HPSE2: variants seen among roughly 807,000 people sequenced by gnomAD.
HPSE2 encodes the protein inactive heparanase-2.
A neutral mutation model predicts 60.5 loss-of-function variants in HPSE2; 38 were observed. That is an observed-to-expected ratio of 0.63 (90% CI 0.48 to 0.82). The LOEUF (loss-of-function observed/expected upper bound fraction) is 0.82, where lower values mean the gene tolerates loss of function less well. Ranked by LOEUF, HPSE2 falls within the 40% of genes least tolerant of loss-of-function variation. The probability of loss-of-function intolerance (pLI) is 0.00; values close to 1 mark genes in which losing one functional copy is unlikely to be tolerated. For synonymous variants in HPSE2, 295 were observed against 293.2 expected, an observed-to-expected ratio of 1.01 and a Z score of -0.06; for missense variants, 713 against 740.4, an observed-to-expected ratio of 0.96 and a Z score of 0.43.
At chr10:99,294,537 A>G in the HPSE2 span, among the ~76,000 whole-genome samples, 3 of 150,340 alleles carry the variant, frequency 2.0e-5, no homozygotes, top group African/African-American at 7.3e-5. Flanking sequence ...CTTTACCAAC[A>G]GCATTCACAG....
intron 3 of HPSE2, among the ~76,000 whole-genome samples, chr10:98,875,289 TA>T (rs1212073688): frequency 6.6e-6 from 1 of 151,448 alleles, no homozygotes; most frequent in Non-Finnish European, 1.5e-5. Flanking sequence ...ACTAGACTAA[TA>T]AAGAAGAAAA....
intron 11 of HPSE2, among the ~76,000 whole-genome samples, chr10:98,476,016 A>G (rs1432037742): frequency 6.6e-6 from 1 of 151,968 alleles, no homozygotes; most frequent in Non-Finnish European, 1.5e-5. Context: ...ATAAAGACAC[A>G]TGCACACGTA....
rs138388208 is a variant in HPSE2, at chr10:98,903,215, A to G, written c.611-159159T>C. Among the ~76,000 whole-genome samples the G allele has an allele frequency of 4.6e-4, 70 of 152,264 alleles. 2 individuals are homozygous for G. The East Asian group carries it at 0.013, about 28-fold the overall frequency. On this transcript the variant is annotated intron_variant, in intron 3 of 11. Transcript: ENST00000370552. ...ATTTCATTTATATGAAATGCTCAGA[A>G]TAAGAAAAACTATAGAGATAGAAAG...
At chr10:98,582,843 T>G (rs1461505131) in intron 9 of HPSE2, among the ~76,000 whole-genome samples, 4 of 152,174 alleles carry the variant, frequency 2.6e-5, no homozygotes, top group African/African-American at 9.7e-5. Context: ...TAATCAATTT[T>G]GGAACATTTT....
chr10:99,213,717 G>A (rs897465600), intron 2 of HPSE2, among the ~76,000 whole-genome samples: 1 of 152,084 alleles, frequency 6.6e-6, no homozygotes, highest in African/African-American at 2.4e-5. Flanking sequence ...GGGCAGAGGT[G>A]GGGGAGCATG....
chr10:98,511,085 T>C (rs193052936), intron 9 of HPSE2, among the ~76,000 whole-genome samples: 17 of 152,262 alleles, frequency 1.1e-4, no homozygotes, highest in Admixed American at 9.8e-4. Flanking sequence ...TCTATTACAG[T>C]GCCTGATACA....
chr10:98,604,327 A>G (rs986307051), intron 9 of HPSE2, among the ~76,000 whole-genome samples: 4 of 152,090 alleles, frequency 2.6e-5, no homozygotes, highest in Admixed American at 6.5e-5. Context: ...AATGCTAGAG[A>G]TCAGAAATAC....
At chr10:98,802,276 C>A (rs933914128) in intron 3 of HPSE2, among the ~76,000 whole-genome samples, 2 of 142,408 alleles carry the variant, frequency 1.4e-5, no homozygotes, top group Admixed American at 1.4e-4. Flanking sequence ...GGCAAAATTT[C>A]TTTTTTTTAA....
chr10:99,217,082 C>T (rs1849153861), intron 2 of HPSE2, among the ~76,000 whole-genome samples: 1 of 151,976 alleles, frequency 6.6e-6, no homozygotes, highest in Non-Finnish European at 1.5e-5. Context: ...AGCCTGTGAT[C>T]CCTGCCATCA....
intron 9 of HPSE2, among the ~76,000 whole-genome samples, chr10:98,518,769 C>T (rs938729339): frequency 1.3e-5 from 2 of 151,224 alleles, no homozygotes; most frequent in Non-Finnish European, 2.9e-5. Context: ...TGAAAATTAA[C>T]AAGATAATGC....
intron 3 of HPSE2, among the ~76,000 whole-genome samples, chr10:98,863,751 A>G (rs1952518031): frequency 6.6e-6 from 1 of 152,166 alleles, no homozygotes; most frequent in South Asian, 2.1e-4. Flanking sequence ...AAGTATAATG[A>G]GCCTTTGCTA....
intron 3 of HPSE2, among the ~76,000 whole-genome samples, chr10:98,983,852 G>T (rs573874624): frequency 3.3e-5 from 5 of 152,260 alleles, no homozygotes; most frequent in African/African-American, 1.2e-4. Flanking sequence ...TATATCCTGC[G>T]CCTGGCTCGG....
intron 6 of HPSE2, among the ~76,000 whole-genome samples, chr10:98,647,160 C>G (rs1044109954): frequency 1.3e-5 from 2 of 152,140 alleles, no homozygotes; most frequent in African/African-American, 4.8e-5. Context: ...CAGAGCTCAC[C>G]TCCTTCCTGT....
In HPSE2 at chr10:98,940,507, C is replaced by T. The variant is rs1206436827; in HGVS notation, c.611-196451G>A. Among the ~76,000 whole-genome samples the T allele has an allele frequency of 6.2e-5, 9 of 144,100 alleles. 1 individual carries two copies. The highest frequency in any genetic ancestry group is 2.3e-4 in the African/African-American group (8 of 35,502). 94.5% of individuals were successfully genotyped at this position (144,100 alleles called of 152,430 possible). On this transcript the variant is annotated intron_variant, in intron 3 of 11. Coordinates refer to ENST00000370552, the MANE Select transcript of HPSE2 (RefSeq NM_021828.5). Reference sequence around the variant, plus strand: ...GAAGAAATGGATAAATTCCTCCACACATACACCCTCCCAAGACTAAACAAG... The same window carrying T: ...GAAGAAATGGATAAATTCCTCCACATATACACCCTCCCAAGACTAAACAAG...
chr10:99,255,269 A>C, the HPSE2 span, among the ~76,000 whole-genome samples: 2 of 152,196 alleles, frequency 1.3e-5, no homozygotes, highest in Non-Finnish European at 2.9e-5. Flanking sequence ...AAACGTGATT[A>C]CTGGTGAATT....
At chr10:99,026,668 G>A (rs1253805645) in intron 3 of HPSE2, among the ~76,000 whole-genome samples, 3 of 152,178 alleles carry the variant, frequency 2.0e-5, no homozygotes, top group South Asian at 2.1e-4. Context: ...TGCAGAATAC[G>A]CATTATTTTC....
At chr10:98,763,325 C>T (rs1489022408) in intron 3 of HPSE2, among the ~76,000 whole-genome samples, 1 of 151,686 alleles carries the variant, frequency 6.6e-6, no homozygotes, top group Admixed American at 6.6e-5. Flanking sequence ...AAAAAATAAA[C>T]TTAACAAAAT....
intron 3 of HPSE2, among the ~76,000 whole-genome samples, chr10:98,960,760 C>A (rs1233620657): frequency 9.1e-5 from 7 of 77,156 alleles, no homozygotes; most frequent in Middle Eastern, 9.1e-3. Flanking sequence ...TTATTATACT[C>A]TAAGTTTTAG....
At chr10:99,221,274 G>C (rs1266158712) in intron 2 of HPSE2, among the ~76,000 whole-genome samples, 2 of 152,168 alleles carry the variant, frequency 1.3e-5, no homozygotes, top group East Asian at 1.9e-4. Context: ...ACAACTAGAA[G>C]TGGGAGAGAG....
Sources: allele counts gnomAD v4.1 joint callset (sites outside exome capture counted in the v4.1 genomes callset), GRCh38; gene constraint gnomAD v4.1.1; transcripts MANE v1.5; gene names NCBI Gene and HGNC (gene_info 2026-07-23, HGNC 2026-07-21).